SEH1L: variants seen among roughly 807,000 people sequenced by gnomAD.
SEH1L encodes SEH1 like nucleoporin.
In SEH1L, 18 loss-of-function variants were observed where a neutral mutation model predicts 49.5. That is an observed-to-expected ratio of 0.36 (90% confidence interval 0.25 to 0.54). SEH1L has a LOEUF of 0.54. SEH1L is among the 20% of genes least tolerant of loss of function. The pLI, the probability that SEH1L is intolerant of heterozygous loss-of-function variation, is 0.87. For synonymous variants in SEH1L, 169 were observed against 178.1 expected (o/e 0.95, Z 0.41); for missense variants, 404 against 528.8 (o/e 0.76, Z 2.31).
At chr18:12,973,414 C>T (rs1170097137) in intron 5 of SEH1L, 1 of 152,014 alleles carries the variant, frequency 6.6e-6, no homozygotes, top group African/African-American at 2.4e-5. Context: ...ATTCTCCTGC[C>T]TTAGCCTCCT....
At chr18:12,969,207 ACCCG>A (rs1372370895) in intron 4 of SEH1L, among the ~76,000 whole-genome samples, 12 of 6,354 alleles carry the variant, frequency 1.9e-3, no homozygotes, top group South Asian at 0.012. Flanking sequence ...AAAACTCTGT[ACCCG>A]CCCCCCCCCC....
At chr18:12,958,975 A>G (rs1306377727) in intron 3 of SEH1L, among the ~76,000 whole-genome samples, 5 of 152,202 alleles carry the variant, frequency 3.3e-5, no homozygotes, top group Non-Finnish European at 5.9e-5. Flanking sequence ...GCAATGCTCA[A>G]GGGTTCCAGT....
chr18:12,975,813 G>A, intron 5 of SEH1L: 1 of 986,002 alleles, frequency 1.0e-6, no homozygotes, highest in Non-Finnish European at 1.2e-6. Flanking sequence ...GTGGAATGAG[G>A]ACATGCACTG....
intron 6 of SEH1L, among the ~76,000 whole-genome samples, chr18:12,980,276 G>T (rs2032148069): frequency 7.5e-6 from 1 of 133,810 alleles, no homozygotes; most frequent in Non-Finnish European, 1.6e-5. Context: ...GGTCGGGGCG[G>T]CTGGCCGGGC....
chr18:12,963,696 C>T (rs1269449941), intron 4 of SEH1L, among the ~76,000 whole-genome samples: 1 of 152,196 alleles, frequency 6.6e-6, no homozygotes, highest in Non-Finnish European at 1.5e-5. Flanking sequence ...GATATTGAAA[C>T]CCATACATTT....
chr18:12,980,390 C>T (rs1268989330), intron 6 of SEH1L, among the ~76,000 whole-genome samples: 5 of 106,900 alleles, frequency 4.7e-5, no homozygotes, highest in Admixed American at 1.7e-4. Flanking sequence ...CCACCTCCCT[C>T]CCGGACGGGG....
At chr18:12,970,143 G>A (rs1327878459) in intron 4 of SEH1L, among the ~76,000 whole-genome samples, 4 of 152,096 alleles carry the variant, frequency 2.6e-5, no homozygotes, top group South Asian at 2.1e-4. Flanking sequence ...GGTTAGTAGT[G>A]CACAATACTG....
At chr18:12,980,369 G>A (rs1433690135) in intron 6 of SEH1L, among the ~76,000 whole-genome samples, 2 of 124,330 alleles carry the variant, frequency 1.6e-5, no homozygotes, top group Non-Finnish European at 1.7e-5. Flanking sequence ...CAGGGCGGGG[G>A]GCTGACCCCC....
At chr18:12,949,441 C>CATTTTT (rs1568206195) in intron 1 of SEH1L, among the ~76,000 whole-genome samples, 1 of 85,436 alleles carries the variant, frequency 1.2e-5, no homozygotes, top group Non-Finnish European at 2.4e-5. Flanking sequence ...CTACGTTAAC[C>CATTTTT]GTTTTTTTTT....
At chr18:12,970,328 C>G (rs2031641094) in intron 4 of SEH1L, among the ~76,000 whole-genome samples, 1 of 152,150 alleles carries the variant, frequency 6.6e-6, no homozygotes, top group African/African-American at 2.4e-5. Context: ...TGAGGTTGAC[C>G]ACAGATGAGT....
At chr18:12,982,936 T>TA in intron 7 of SEH1L, 1 of 281,722 alleles carries the variant, frequency 3.5e-6, no homozygotes, top group Non-Finnish European at 6.7e-6. Flanking sequence ...AATAAAAAGA[T>TA]ACCAGTTGTC....
intron 6 of SEH1L, among the ~76,000 whole-genome samples, chr18:12,981,203 G>C (rs1031150776): frequency 6.6e-6 from 1 of 150,454 alleles, no homozygotes; most frequent in Non-Finnish European, 1.5e-5. Context: ...GGGCAGAGAC[G>C]CTCCTCACTT....
At chr18:12,954,553 A>G (rs947875341) in intron 2 of SEH1L, among the ~76,000 whole-genome samples, 9 of 152,080 alleles carry the variant, frequency 5.9e-5, no homozygotes, top group African/African-American at 2.2e-4. Context: ...TGCAGCCTCA[A>G]CCTTCCAGGC....
intron 4 of SEH1L, among the ~76,000 whole-genome samples, chr18:12,970,091 A>AT (rs2031631735): frequency 6.6e-6 from 1 of 151,906 alleles, no homozygotes; most frequent in Non-Finnish European, 1.5e-5. Flanking sequence ...TAAAGAACTA[A>AT]TTTTTTTTGT....
At chr18:12,978,043 GTCTTGAACTACTGGGT>G (rs2031998129) in intron 5 of SEH1L, 1 of 152,296 alleles carries the variant, frequency 6.6e-6, no homozygotes, top group South Asian at 2.1e-4. Flanking sequence ...GCGCAGGCTG[GTCTTGAACTACTGGGT>G]TCAAGCAATT....
chr18:12,965,225 G>C (rs1333551441), intron 4 of SEH1L, among the ~76,000 whole-genome samples: 1 of 151,874 alleles, frequency 6.6e-6, no homozygotes, highest in Middle Eastern at 3.2e-3. Flanking sequence ...TATTAGCCAG[G>C]ATGGTCTCGA....
chr18:12,971,335 ATG>A (rs1480679078), intron 5 of SEH1L, 84 bp downstream of exon 5: 2 of 911,260 alleles, frequency 2.2e-6, no homozygotes, highest in Non-Finnish European at 3.5e-6. Context: ...TTACAGAATT[ATG>A]TGTCATTCAT....
intron 8 of SEH1L, among the ~76,000 whole-genome samples, chr18:12,984,447 G>T (rs926330483): frequency 8.5e-5 from 13 of 152,230 alleles, no homozygotes; most frequent in Admixed American, 3.9e-4. Flanking sequence ...ACAGGTTTAA[G>T]ATTCAACTTT....
chr18:12,952,110 CAT>C (rs1327565935), intron 2 of SEH1L, among the ~76,000 whole-genome samples: 1 of 151,146 alleles, frequency 6.6e-6, no homozygotes, highest in Non-Finnish European at 1.5e-5. Context: ...AGCATTCTAA[CAT>C]AATTATCTTA....
Sources: allele counts gnomAD v4.1 joint callset (sites outside exome capture counted in the v4.1 genomes callset), GRCh38; gene constraint gnomAD v4.1.1; transcripts MANE v1.5; gene names NCBI Gene and HGNC (gene_info 2026-07-23, HGNC 2026-07-21).